The following SLC1A2 variants were observed in gnomAD, a reference collection of about 807,000 sequenced individuals.
SLC1A2 encodes the protein excitatory amino acid transporter 2.
In SLC1A2, 15 loss-of-function variants were observed where a neutral mutation model predicts 48.8. The observed-to-expected ratio is 0.31, with a 90% CI of 0.21 to 0.47. The LOEUF is 0.47. Among genes scored for constraint, SLC1A2 ranks in the 20% least tolerant of loss-of-function variants. The pLI, the probability that SLC1A2 is intolerant of heterozygous loss-of-function variation, is 0.99. For missense variants in SLC1A2, 502 were observed against 730.5 expected (o/e 0.69, Z 3.61); for synonymous variants, 279 against 272.6 (o/e 1.02, Z -0.23).
chr11:35,411,232 C>A (rs569477130), intron 1 of SLC1A2, among the ~76,000 whole-genome samples: 1 of 152,236 alleles, frequency 6.6e-6, no homozygotes, highest in Admixed American at 6.5e-5. Context: ...TTCTTCACAC[C>A]TTTTCTAGAC....
rs953938773 is a variant in SLC1A2 at position 35,251,719 on chromosome 11, T to C, written c.*9175A>G. ...CAAGGAAAAATTAGCCTGTCCACCATATCTCCTCATATGAAGCAGCCACTG... is the reference window on the plus strand; with the variant it reads ...CAAGGAAAAATTAGCCTGTCCACCACATCTCCTCATATGAAGCAGCCACTG... On this transcript the variant is annotated 3_prime_UTR_variant, in exon 11 of 11. Transcript: ENST00000278379. 3 of 152,618 alleles carry C rather than the reference T, an allele frequency of 2.0e-5. No homozygotes were observed. Among genetic ancestry groups the C allele is most frequent in the Non-Finnish European group, 4.4e-5 (3 of 68,024 alleles). The allele number at this position is 152,618 out of a possible 1,614,324, so 9.5% of individuals were successfully genotyped here. A position where few individuals can be genotyped will look rare whatever the true frequency, so the allele number is the denominator to read the frequency against.
intron 1 of SLC1A2, among the ~76,000 whole-genome samples, chr11:35,412,178 T>A (rs1396240277): frequency 1.3e-5 from 2 of 151,992 alleles, no homozygotes; most frequent in African/African-American, 4.8e-5. Context: ...AAAAACTCAG[T>A]AACAGCATAA....
chr11:35,274,953 C>T lies in SLC1A2; in HGVS notation c.1421+5914G>A, dbSNP rs76850416. 7.4e-3 allele frequency among the ~76,000 whole-genome samples: 1,119 copies of T among 152,204 alleles called. 10 individuals are homozygous for T. The highest frequency in any genetic ancestry group is 0.015 in the South Asian group (74 of 4,822). ...AAAAAAAGTAGAGGTGCTCATATAC[C>T]CACAATCAGAAACTCCTGTTTTCCT... On this transcript the variant is annotated intron_variant, in intron 9 of 10. Coordinates refer to ENST00000278379, the MANE Select transcript of SLC1A2 (RefSeq NM_004171.4).
chr11:35,310,657 G>C (rs1433333707), intron 4 of SLC1A2, among the ~76,000 whole-genome samples: 1 of 152,164 alleles, frequency 6.6e-6, no homozygotes, highest in Non-Finnish European at 1.5e-5. Flanking sequence ...CTTGGAAATG[G>C]CTGAAGTTTT....
At chr11:35,322,751 A>G in intron 1 of SLC1A2, 1 of 850,336 alleles carries the variant, frequency 1.2e-6, no homozygotes, top group Non-Finnish European at 1.9e-6. Flanking sequence ...TTTGGATAAG[A>G]ATGCTGGAAA....
At chr11:35,344,242 A>G (rs1470909890) in intron 1 of SLC1A2, among the ~76,000 whole-genome samples, 1 of 152,194 alleles carries the variant, frequency 6.6e-6, no homozygotes, top group Non-Finnish European at 1.5e-5. Flanking sequence ...ACAATGTCAT[A>G]TGGAATAAGC....
At chr11:35,264,551 A>C (rs1950449140) in intron 10 of SLC1A2, among the ~76,000 whole-genome samples, 1 of 152,220 alleles carries the variant, frequency 6.6e-6, no homozygotes, top group Non-Finnish European at 1.5e-5. Context: ...AGTTACAATG[A>C]AGGCTAGACA....
At chr11:35,315,616 A>C (rs1426200236) in intron 2 of SLC1A2, 1 of 155,942 alleles carries the variant, frequency 6.4e-6, no homozygotes, top group Non-Finnish European at 1.4e-5. Context: ...CAAAATAGTG[A>C]AACACCATCT....
chr11:35,270,513 G>A (rs1427481949), intron 9 of SLC1A2, among the ~76,000 whole-genome samples: 1 of 152,234 alleles, frequency 6.6e-6, no homozygotes, highest in African/African-American at 2.4e-5. Flanking sequence ...ATCTTAGAGT[G>A]TGTAAGGGCA....
chr11:35,362,652 T>C (rs1310345914), intron 1 of SLC1A2, among the ~76,000 whole-genome samples: 2 of 152,234 alleles, frequency 1.3e-5, no homozygotes, highest in South Asian at 2.1e-4. Flanking sequence ...TGATTATCCT[T>C]ACTATGTTGT....
intron 1 of SLC1A2, among the ~76,000 whole-genome samples, chr11:35,417,511 A>G (rs1483965967): frequency 3.9e-5 from 6 of 152,238 alleles, no homozygotes; most frequent in Non-Finnish European, 7.3e-5. Flanking sequence ...AAGCCTTTTT[A>G]ACTAAACATG....
chr11:35,306,285 C>A (rs2134829972), intron 4 of SLC1A2, 43 bp from the exon 5 acceptor site: 2 of 1,480,176 alleles, frequency 1.4e-6, no homozygotes, highest in East Asian at 2.3e-5. Context: ...GAGATTTGGC[C>A]TATAAGGTGA....
intron 1 of SLC1A2, among the ~76,000 whole-genome samples, chr11:35,349,926 GT>G (rs1286471748): frequency 1.3e-5 from 2 of 152,154 alleles, no homozygotes; most frequent in Non-Finnish European, 2.9e-5. Flanking sequence ...GTTCGGGGTA[GT>G]TACAAACACG....
At chr11:35,288,569 C>T (rs868313594) in intron 7 of SLC1A2, among the ~76,000 whole-genome samples, 37 of 152,162 alleles carry the variant, frequency 2.4e-4, no homozygotes, top group Non-Finnish European at 1.6e-4. Context: ...TTCTCGATTG[C>T]AAGCATTCTC....
chr11:35,323,310 C>T (rs764819748), intron 1 of SLC1A2: 1 of 157,552 alleles, frequency 6.3e-6, no homozygotes, highest in Non-Finnish European at 1.4e-5. Context: ...AGGACGGCTG[C>T]TAAATGGGTG....
intron 1 of SLC1A2, among the ~76,000 whole-genome samples, chr11:35,409,276 C>G (rs948783027): frequency 6.6e-6 from 1 of 152,126 alleles, no homozygotes; most frequent in African/African-American, 2.4e-5. Context: ...AGTGGATATT[C>G]CAGAAAGGAT....
chr11:35,416,264 T>C (rs1357347870), intron 1 of SLC1A2, among the ~76,000 whole-genome samples: 4 of 152,162 alleles, frequency 2.6e-5, no homozygotes, highest in Admixed American at 6.5e-5. Context: ...GCCAAAAGTT[T>C]GAGAGAAAGC....
At chr11:35,375,623 C>T (rs988268622) in intron 1 of SLC1A2, among the ~76,000 whole-genome samples, 2 of 152,090 alleles carry the variant, frequency 1.3e-5, no homozygotes, top group South Asian at 2.1e-4. Context: ...AGTTGGGCCA[C>T]GAGAACCATG....
At chr11:35,376,954 G>C (rs1354271011) in intron 1 of SLC1A2, among the ~76,000 whole-genome samples, 1 of 152,258 alleles carries the variant, frequency 6.6e-6, no homozygotes, top group Admixed American at 6.5e-5. Flanking sequence ...GTAGCCAGCA[G>C]TGAGCTTCCA....
Sources: allele counts gnomAD v4.1 joint callset (sites outside exome capture counted in the v4.1 genomes callset), GRCh38; gene constraint gnomAD v4.1.1; transcripts MANE v1.5; gene names NCBI Gene and HGNC (gene_info 2026-07-23, HGNC 2026-07-21).